MAN1C1: variants seen among roughly 807,000 people sequenced by gnomAD.
The protein encoded by MAN1C1 is mannosyl-oligosaccharide 1,2-alpha-mannosidase IC.
A neutral mutation model predicts 71.5 loss-of-function variants in MAN1C1; 49 were observed. That is an observed-to-expected ratio of 0.69 (90% CI 0.54 to 0.87). The LOEUF (loss-of-function observed/expected upper bound fraction) is 0.87. MAN1C1 is among the 40% of genes least tolerant of loss of function. The pLI, the probability that MAN1C1 is intolerant of heterozygous loss-of-function variation, is 0.00. For missense variants in MAN1C1, 743 were observed against 835.0 expected (o/e 0.89, Z 1.36); for synonymous variants, 352 against 343.7 (o/e 1.02, Z -0.27).
In MAN1C1 at chr1:25,651,807, A is replaced by G. The variant is rs147782701; in HGVS notation, c.540+33470A>G. Among the ~76,000 whole-genome samples, 33 of 152,394 alleles carry G rather than the reference A, an allele frequency of 2.2e-4. No homozygotes were observed. The East Asian group carries it at 6.0e-3, about 28-fold the overall frequency. ...GAAAAATCTATGCATTGGGGGTTAT[A>G]TCAGGCTGATTTCAGGTGTTTCCTC... On this transcript the variant is annotated intron_variant, in intron 1 of 11. Coordinates refer to ENST00000374332, the MANE Select transcript of MAN1C1 (RefSeq NM_020379.4).
chr1:25,635,904 C>T (rs915853525), intron 1 of MAN1C1, among the ~76,000 whole-genome samples: 9 of 152,118 alleles, frequency 5.9e-5, no homozygotes, highest in East Asian at 5.8e-4. Flanking sequence ...TTCCATTTTC[C>T]GTAAGTGTCA....
At chr1:25,660,419 T>C (rs1294500894) in intron 1 of MAN1C1, among the ~76,000 whole-genome samples, 5 of 127,560 alleles carry the variant, frequency 3.9e-5, no homozygotes, top group South Asian at 2.5e-4. Context: ...TTTTTTTTTT[T>C]TTTTTGAGTG....
intron 1 of MAN1C1, among the ~76,000 whole-genome samples, chr1:25,656,256 C>A (rs1400327140): frequency 6.6e-6 from 1 of 151,530 alleles, no homozygotes; most frequent in East Asian, 1.9e-4. Flanking sequence ...CACCACCATG[C>A]CCCGCTAATT....
At chr1:25,624,160 G>C (rs1326640879) in intron 1 of MAN1C1, among the ~76,000 whole-genome samples, 1 of 152,160 alleles carries the variant, frequency 6.6e-6, no homozygotes, top group Non-Finnish European at 1.5e-5. Flanking sequence ...AAGCCAAACG[G>C]GAGACTCCTC....
chr1:25,744,006 A>G, intron 2 of MAN1C1, among the ~76,000 whole-genome samples: 1 of 152,188 alleles, frequency 6.6e-6, no homozygotes, highest in East Asian at 1.9e-4. Context: ...CCTTGGTCTA[A>G]TCTTGAGTGT....
chr1:25,754,887 A>G (rs1001204581), intron 5 of MAN1C1, among the ~76,000 whole-genome samples: 3 of 152,172 alleles, frequency 2.0e-5, no homozygotes, highest in Non-Finnish European at 2.9e-5. Flanking sequence ...GCGCATGTAC[A>G]TTCATGTATA....
Position 25,782,735 on chromosome 1 carries a change from G to C in MAN1C1, c.1766+35G>C. 1 of 1,515,030 alleles carries C rather than the reference G, an allele frequency of 6.6e-7. No individual in the cohort carries two copies. The highest frequency in any genetic ancestry group is 2.3e-5 in the East Asian group (1 of 44,284). The allele number at this position is 1,515,030 out of a possible 1,614,324, so 93.8% of individuals were successfully genotyped here. A position where few individuals can be genotyped will look rare whatever the true frequency, so the allele number is the denominator to read the frequency against. On this transcript the variant is annotated intron_variant, in intron 11 of 11. Coordinates refer to ENST00000374332, the MANE Select transcript of MAN1C1 (RefSeq NM_020379.4). The surrounding 1 kb of genome is among the most constrained non-coding windows in gnomAD (Gnocchi z 4.4). ...GTGGGCTCTTCCTAGGGATGGACAGGTGGGAGGTTGAGGGTAGGGGTCCGC... is the reference window on the plus strand; with the variant it reads ...GTGGGCTCTTCCTAGGGATGGACAGCTGGGAGGTTGAGGGTAGGGGTCCGC...
chr1:25,767,857 TC>T (rs1281190742), intron 7 of MAN1C1, among the ~76,000 whole-genome samples: 8 of 40,808 alleles, frequency 2.0e-4, no homozygotes, highest in African/African-American at 2.7e-4. Flanking sequence ...TTACATACAC[TC>T]CCCCCACACA....
chr1:25,729,878 A>T (rs2124297781), intron 2 of MAN1C1, among the ~76,000 whole-genome samples: 1 of 152,274 alleles, frequency 6.6e-6, no homozygotes, highest in Admixed American at 6.5e-5. Context: ...ACAGCTGCAG[A>T]GTGGCAAAGT....
intron 2 of MAN1C1, among the ~76,000 whole-genome samples, chr1:25,731,275 A>C (rs537181731): frequency 1.4e-4 from 21 of 152,354 alleles, no homozygotes; most frequent in African/African-American, 4.8e-4. Flanking sequence ...GTGCCACTGC[A>C]CTGCAGCTTG....
intron 7 of MAN1C1, among the ~76,000 whole-genome samples, chr1:25,767,836 C>CA (rs1572206899): frequency 8.4e-6 from 1 of 119,548 alleles, no homozygotes; most frequent in Non-Finnish European, 1.7e-5. Flanking sequence ...CTCACACACA[C>CA]TACACACACA....
rs1201290870 is a variant in MAN1C1, at chr1:25,778,149, C to A, written c.1302C>A (p.Thr434=). Residue 434 remains threonine, a synonymous_variant, in exon 9 of 12, where the codon ACC becomes ACA. Coordinates refer to ENST00000374332, the MANE Select transcript of MAN1C1 (RefSeq NM_020379.4). The surrounding 1 kb of genome is among the most constrained non-coding windows in gnomAD (Gnocchi z 5.5). Reference sequence around the variant, plus strand: ...TGAATGTCTCTCCCGGGGGGCTGACCTACATTGCCGAGTGGCGAGGGGGGA... The same window carrying A: ...TGAATGTCTCTCCCGGGGGGCTGACATACATTGCCGAGTGGCGAGGGGGGA... ...YLLNVSPGGL[T]YIAEWRGGIL... is the part of the protein sequence containing the mutation. 1.2e-6 allele frequency: 2 copies of A among 1,600,616 alleles called. No individual in the cohort carries two copies. The highest frequency in any genetic ancestry group is 1.1e-5 in the South Asian group (1 of 89,970).
chr1:25,766,912 C>G (rs1037649255), intron 7 of MAN1C1, among the ~76,000 whole-genome samples: 1 of 151,960 alleles, frequency 6.6e-6, no homozygotes, highest in African/African-American at 2.4e-5. Flanking sequence ...GGCTTGTGGC[C>G]CAGCCTCCTG....
chr1:25,738,760 C>T (rs1204009022), intron 2 of MAN1C1, among the ~76,000 whole-genome samples: 1 of 152,206 alleles, frequency 6.6e-6, no homozygotes, highest in African/African-American at 2.4e-5. Flanking sequence ...TACATGTTTT[C>T]TCCTTGAGAG....
At chr1:25,673,073 CAG>C (rs2046014202) in intron 1 of MAN1C1, among the ~76,000 whole-genome samples, 1 of 151,984 alleles carries the variant, frequency 6.6e-6, no homozygotes, top group Non-Finnish European at 1.5e-5. Flanking sequence ...GGAGGTGAGT[CAG>C]AGATGTCATC....
intron 5 of MAN1C1, among the ~76,000 whole-genome samples, chr1:25,754,012 C>T (rs909254203): frequency 6.6e-5 from 10 of 152,170 alleles, no homozygotes; most frequent in South Asian, 4.1e-4. Context: ...GCACATCACA[C>T]CATCCTCCTC....
At chr1:25,703,550 G>A (rs570440937) in intron 2 of MAN1C1, among the ~76,000 whole-genome samples, 1 of 152,272 alleles carries the variant, frequency 6.6e-6, no homozygotes, top group South Asian at 2.1e-4. Flanking sequence ...GTGTGGTGGT[G>A]CATGTCCGTA....
At chr1:25,627,908 T>A (rs866312702) in intron 1 of MAN1C1, among the ~76,000 whole-genome samples, 2 of 150,668 alleles carry the variant, frequency 1.3e-5, no homozygotes, top group African/African-American at 2.4e-5. Context: ...CCAGGCATGA[T>A]GATGGTGCAC....
chr1:25,702,021 C>T (rs890659411), intron 2 of MAN1C1, among the ~76,000 whole-genome samples: 7 of 152,150 alleles, frequency 4.6e-5, no homozygotes, highest in African/African-American at 9.7e-5. Flanking sequence ...GATCTCACCG[C>T]GGCACTCCAG....
Sources: allele counts gnomAD v4.1 joint callset (sites outside exome capture counted in the v4.1 genomes callset), GRCh38; gene constraint gnomAD v4.1.1; non-coding constraint Gnocchi (gnomAD v3.1); transcripts MANE v1.5; gene names NCBI Gene and HGNC (gene_info 2026-07-23, HGNC 2026-07-21).